The following DRC8 variants were observed in gnomAD, a reference collection of about 807,000 sequenced individuals.
DRC8 encodes the protein dynein regulatory complex protein 8.
At chr1:245,061,780 C>G in the DRC8 span, among the ~76,000 whole-genome samples, 1 of 152,158 alleles carries the variant, frequency 6.6e-6, no homozygotes, top group South Asian at 2.1e-4. Flanking sequence ...AGAGATCAAA[C>G]TATTTAAATG....
the DRC8 span, chr1:245,123,713 A>G: frequency 6.6e-6 from 1 of 152,158 alleles, no homozygotes; most frequent in Admixed American, 6.6e-5. This position sits in a 1 kb window ranked among gnomAD's most constrained non-coding sequence, Gnocchi z 5.0. Context: ...TATTTTTTTT[A>G]CTGTGCTTGG....
chr1:245,077,073 TC>T, the DRC8 span, among the ~76,000 whole-genome samples: 31 of 152,082 alleles, frequency 2.0e-4, 1 homozygote, highest in African/African-American at 2.4e-5. Flanking sequence ...TGATCAGACT[TC>T]TGCTTGATGA....
chr1:245,009,276 G>A, the DRC8 span, among the ~76,000 whole-genome samples: 3 of 151,286 alleles, frequency 2.0e-5, no homozygotes, highest in Non-Finnish European at 2.9e-5. Context: ...CTTGTGATCC[G>A]CCTGCCTCGG....
At chr1:245,074,898 C>A in the DRC8 span, among the ~76,000 whole-genome samples, 1 of 151,424 alleles carries the variant, frequency 6.6e-6, no homozygotes, top group East Asian at 1.9e-4. Context: ...CTATTTAGAG[C>A]CTAATGTGAA....
At chr1:245,053,553 T>A in the DRC8 span, among the ~76,000 whole-genome samples, 4 of 152,292 alleles carry the variant, frequency 2.6e-5, no homozygotes, top group East Asian at 5.8e-4. Context: ...GGTGGGCTAG[T>A]GGAGCAGTTT....
At chr1:245,110,559 A>T in the DRC8 span, among the ~76,000 whole-genome samples, 1 of 152,328 alleles carries the variant, frequency 6.6e-6, no homozygotes, top group East Asian at 1.9e-4. Context: ...AAGAACATTA[A>T]CTCTAATGGA....
At chr1:245,038,096 G>C in the DRC8 span, among the ~76,000 whole-genome samples, 1 of 152,114 alleles carries the variant, frequency 6.6e-6, no homozygotes, top group African/African-American at 2.4e-5. Context: ...AATATCACCA[G>C]ATCTTTTCTG....
the DRC8 span, among the ~76,000 whole-genome samples, chr1:245,035,011 A>G: frequency 6.6e-6 from 1 of 152,200 alleles, no homozygotes; most frequent in South Asian, 2.1e-4. Context: ...GTACAACTCT[A>G]TACAAGTGAA....
chr1:245,088,315 G>GACACACACACACACACACACAC, the DRC8 span, among the ~76,000 whole-genome samples: 11 of 145,600 alleles, frequency 7.6e-5, no homozygotes, highest in African/African-American at 1.3e-4. This position sits in a 1 kb window ranked among gnomAD's most constrained non-coding sequence, Gnocchi z 4.6. Context: ...GTTATAACAA[G>GACACACACACACACACACACAC]ACACACACAC....
At chr1:245,048,676 G>T in the DRC8 span, among the ~76,000 whole-genome samples, 141 of 151,720 alleles carry the variant, frequency 9.3e-4, no homozygotes, top group Middle Eastern at 6.8e-3. Context: ...TCTCTCCCCC[G>T]TTTCTCTCTA....
the DRC8 span, among the ~76,000 whole-genome samples, chr1:245,024,084 C>T: frequency 3.9e-5 from 6 of 151,944 alleles, no homozygotes; most frequent in African/African-American, 1.2e-4. Context: ...ACAGGAGAAT[C>T]GTTTGAACCC....
At chr1:244,990,061 A>G in the DRC8 span, among the ~76,000 whole-genome samples, 1 of 152,220 alleles carries the variant, frequency 6.6e-6, no homozygotes. Flanking sequence ...TTAACCATGA[A>G]CATTGTCATG....
At chr1:244,977,928 G>T in the DRC8 span, among the ~76,000 whole-genome samples, 1 of 152,160 alleles carries the variant, frequency 6.6e-6, no homozygotes, top group Non-Finnish European at 1.5e-5. Flanking sequence ...GTGTAAATGG[G>T]TAAGGACACG....
At chr1:245,057,171 G>A in the DRC8 span, among the ~76,000 whole-genome samples, 1 of 152,128 alleles carries the variant, frequency 6.6e-6, no homozygotes, top group Non-Finnish European at 1.5e-5. Flanking sequence ...GCATGAGTAG[G>A]TTATGTCTGT....
the DRC8 span, chr1:245,002,300 T>C: frequency 7.5e-7 from 1 of 1,336,956 alleles, no homozygotes; most frequent in South Asian, 1.3e-5. Context: ...GCCTCCAGCC[T>C]TGCTTCCTTC....
chr1:245,064,731 A>C, the DRC8 span, among the ~76,000 whole-genome samples: 1 of 152,234 alleles, frequency 6.6e-6, no homozygotes, highest in Admixed American at 6.5e-5. Flanking sequence ...GTCTTCAGTA[A>C]GAGTTCTGAA....
the DRC8 span, among the ~76,000 whole-genome samples, chr1:244,994,959 G>T: frequency 6.6e-6 from 1 of 152,194 alleles, no homozygotes; most frequent in African/African-American, 2.4e-5. Context: ...GCCATCTGGA[G>T]ATCTAGGGAA....
the DRC8 span, among the ~76,000 whole-genome samples, chr1:245,072,810 C>T: frequency 3.3e-5 from 5 of 152,198 alleles, no homozygotes; most frequent in South Asian, 2.1e-4. Context: ...TGAGTTCACA[C>T]AAGCTCTGGT....
the DRC8 span, among the ~76,000 whole-genome samples, chr1:244,998,741 A>T: frequency 6.6e-6 from 1 of 152,314 alleles, no homozygotes; most frequent in Non-Finnish European, 1.5e-5. Context: ...CATATACCCC[A>T]GCTAATGCCA....
Sources: gnomAD v4.1 joint callset for allele counts (sites outside exome capture counted in the v4.1 genomes callset) on GRCh38, gnomAD v4.1.1 for gene constraint, Gnocchi (gnomAD v3.1) non-coding constraint, MANE v1.5 for transcripts, NCBI Gene and HGNC (gene_info 2026-07-23, HGNC 2026-07-21) for gene names.